Variants in ARHGEF17 observed in about 807,000 individuals in gnomAD.
ARHGEF17 encodes the protein 164 kDa Rho-specific guanine-nucleotide exchange factor.
ARHGEF17 carries 80 observed loss-of-function variants against 174.0 expected under a neutral mutation model. That is an observed-to-expected ratio of 0.46 (90% CI 0.38 to 0.55). The LOEUF (loss-of-function observed/expected upper bound fraction) is 0.55. Ranked by LOEUF, ARHGEF17 falls within the 20% of genes least tolerant of loss-of-function variation. The probability of loss-of-function intolerance (pLI) is 0.00; values close to 1 mark genes in which losing one functional copy is unlikely to be tolerated. For synonymous variants in ARHGEF17, 1,311 were observed against 1,189.1 expected (o/e 1.10, Z -2.11); for missense variants, 2,886 against 2,839.7 (o/e 1.02, Z -0.37).
intron 1 of ARHGEF17, among the ~76,000 whole-genome samples, chr11:73,340,677 G>T (rs1025776970): frequency 2.0e-5 from 3 of 152,184 alleles, no homozygotes; most frequent in Admixed American, 2.0e-4. Flanking sequence ...GGGACGAGGT[G>T]CCCTGAGAGA....
At chr11:73,334,050 G>A (rs973394874) in intron 1 of ARHGEF17, among the ~76,000 whole-genome samples, 1 of 152,214 alleles carries the variant, frequency 6.6e-6, no homozygotes, top group Non-Finnish European at 1.5e-5. Context: ...TGTAGGCATG[G>A]AAGCTGCTGG....
At position 73,310,432 on chromosome 11, in the gene ARHGEF17, T is replaced by G; in HGVS notation, c.1794T>G (p.Val598=). ...AATATGTGCAGGAGGCCCGCCAGGT[T>G]TTTGAGAAGATCCAGCGCATGGGTG... ...QDQYVQEARQ[V]FEKIQRMGAQ... is the part of the protein sequence containing the mutation. Residue 598 remains valine (V), a synonymous_variant, in exon 1 of 21, where the codon GTT becomes GTG. Transcript: ENST00000263674. The G allele has an allele frequency of 6.2e-7, 1 of 1,613,952 alleles. No homozygotes were observed. Among genetic ancestry groups the G allele is most frequent in the Non-Finnish European group, 8.5e-7 (1 of 1,180,008 alleles).
At position 73,308,625 on chromosome 11, in the gene ARHGEF17, T is replaced by C; in HGVS notation, c.-14T>C. On this transcript the variant is annotated 5_prime_UTR_variant, in exon 1 of 21. Coordinates refer to ENST00000263674, the MANE Select transcript of ARHGEF17 (RefSeq NM_014786.4). ...CTGCCCGAGGCCAGCCCCCCCGGAG[T>C]GAGTTACGCCACTATGGCGGACGGG... The C allele has an allele frequency of 1.4e-6, 2 of 1,451,326 alleles. No individual in the cohort carries two copies. Among genetic ancestry groups the C allele is most frequent in the Non-Finnish European group, 9.1e-7 (1 of 1,104,510 alleles). The allele number at this position is 1,451,326 out of a possible 1,614,324, so 89.9% of individuals were successfully genotyped here. A position where few individuals can be genotyped will look rare whatever the true frequency, so the allele number is the denominator to read the frequency against.
In ARHGEF17 at chr11:73,328,451, T is replaced by A. The variant is rs1865139007; in HGVS notation, c.3192+16621T>A. On this transcript the variant is annotated intron_variant, in intron 1 of 20. Transcript: ENST00000263674. Reference sequence around the variant, plus strand: ...GTTGCCAGAGTCACCCAGTGACTTCTGACCCCAGGACCTTCCTCCAGGCTG... The same window carrying A: ...GTTGCCAGAGTCACCCAGTGACTTCAGACCCCAGGACCTTCCTCCAGGCTG... 3.9e-5 allele frequency among the ~76,000 whole-genome samples: 6 copies of A among 152,174 alleles called. No individual in the cohort carries two copies. In the South Asian group the frequency reaches 8.3e-4, roughly 21 times the overall value.
rs760655883 is a variant in ARHGEF17, at chr11:73,309,638, A to G, written c.1000A>G (p.Arg334Gly). 27 of 1,612,966 alleles carry G rather than the reference A, an allele frequency of 1.7e-5. No individual in the cohort carries two copies. Among genetic ancestry groups the G allele is most frequent in the Non-Finnish European group, 1.9e-5 (23 of 1,180,038 alleles). ...GAGCCCTGAGCCCCCAACATCTCCA[A>G]GAGCCCCTAGAGAAGAAGGACTCCG... Reference protein sequence around the residue: ...SGSPEPPTSPRAPREEGLREW... With the variant: ...SGSPEPPTSPGAPREEGLREW... Residue 334 changes from arginine to glycine, a missense_variant, in exon 1 of 21, where the codon AGA becomes GGA. By Grantham distance (125) the Arg-to-Gly change is moderately radical. Around this residue, in one of 4 missense-constraint regions of ARHGEF17, gnomAD observed 1,728 missense variants for 1,461.2 expected, o/e 1.18. Coordinates refer to ENST00000263674, the MANE Select transcript of ARHGEF17 (RefSeq NM_014786.4).
intron 1 of ARHGEF17, among the ~76,000 whole-genome samples, chr11:73,325,884 C>G (rs925689374): frequency 2.0e-5 from 3 of 152,234 alleles, no homozygotes; most frequent in Non-Finnish European, 2.9e-5. Flanking sequence ...AGACCTTGCT[C>G]CCATGGGACA....
chr11:73,331,527 CCT>C (rs1486426807), intron 1 of ARHGEF17, among the ~76,000 whole-genome samples: 3 of 152,302 alleles, frequency 2.0e-5, no homozygotes, highest in Admixed American at 6.5e-5. Context: ...TCACAGGGCC[CCT>C]CCTCTGGGGT....
At chr11:73,359,812 C>T (rs762875051) in intron 9 of ARHGEF17, 22 bp from the exon 10 acceptor site, 10 of 1,563,340 alleles carry the variant, frequency 6.4e-6, no homozygotes, top group East Asian at 4.5e-5. Flanking sequence ...TATCAGTCCA[C>T]GGCCTTCCTC....
intron 1 of ARHGEF17, among the ~76,000 whole-genome samples, chr11:73,328,721 C>T (rs1279873216): frequency 1.3e-5 from 2 of 152,236 alleles, no homozygotes; most frequent in Non-Finnish European, 2.9e-5. Flanking sequence ...GCAGTGCCCC[C>T]TGTTCTCTGG....
intron 1 of ARHGEF17, among the ~76,000 whole-genome samples, chr11:73,322,367 T>G (rs1278386189): frequency 6.6e-6 from 1 of 152,216 alleles, no homozygotes; most frequent in African/African-American, 2.4e-5. Flanking sequence ...GAAAGACTCT[T>G]AGAAACCAGC....
intron 9 of ARHGEF17, among the ~76,000 whole-genome samples, chr11:73,358,058 CT>C (rs34916211): frequency 0.029 from 4,479 of 152,294 alleles, 85 homozygotes; most frequent in Non-Finnish European, 0.045. Flanking sequence ...GAATGACCAC[CT>C]TTAAGTTAGG....
chr11:73,348,910 GA>G (rs1865507502), intron 2 of ARHGEF17, among the ~76,000 whole-genome samples: 1 of 152,168 alleles, frequency 6.6e-6, no homozygotes, highest in African/African-American at 2.4e-5. Flanking sequence ...GCTGAGACCT[GA>G]AGGGTGAGTA....
intron 2 of ARHGEF17, 143 bp downstream of exon 2, chr11:73,347,103 AC>A: frequency 1.2e-6 from 1 of 836,280 alleles, no homozygotes. Context: ...TCCATGAAGA[AC>A]CCCCAGCATG....
At chr11:73,317,346 G>T (rs1374595581) in intron 1 of ARHGEF17, among the ~76,000 whole-genome samples, 2 of 152,174 alleles carry the variant, frequency 1.3e-5, no homozygotes, top group East Asian at 1.9e-4. Context: ...CTCCAGCTAC[G>T]TGGGCATTGC....
intron 9 of ARHGEF17, among the ~76,000 whole-genome samples, chr11:73,359,525 C>T (rs1403466105): frequency 4.6e-5 from 7 of 152,262 alleles, no homozygotes; most frequent in Admixed American, 2.6e-4. Context: ...AGTTCCGTGT[C>T]AGCCAGGGCC....
chr11:73,323,975 C>T (rs559983679), intron 1 of ARHGEF17, among the ~76,000 whole-genome samples: 2 of 152,336 alleles, frequency 1.3e-5, no homozygotes, highest in East Asian at 3.9e-4. Context: ...CCCTGTTCTC[C>T]TCCCTGGGTC....
chr11:73,344,847 G>T (rs564471173), intron 1 of ARHGEF17, among the ~76,000 whole-genome samples: 1 of 152,332 alleles, frequency 6.6e-6, no homozygotes, highest in African/African-American at 2.4e-5. Context: ...AGAACTCCAG[G>T]GGCTGGGGCC....
chr11:73,350,629 T>A (rs572361208), intron 2 of ARHGEF17, among the ~76,000 whole-genome samples: 2 of 152,278 alleles, frequency 1.3e-5, no homozygotes, highest in Non-Finnish European at 2.9e-5. Flanking sequence ...TAAATAGAAG[T>A]TAGGAGCCAG....
Position 73,367,973 on chromosome 11 carries a change from G to A in ARHGEF17, c.*193G>A, listed in dbSNP as rs1591768318. 6.7e-6 allele frequency: 4 copies of A among 594,998 alleles called. No homozygotes were observed. The highest frequency in any genetic ancestry group is 2.9e-5 in the East Asian group (1 of 34,418). 36.9% of individuals were successfully genotyped at this position (594,998 alleles called of 1,614,324 possible). On this transcript the variant is annotated 3_prime_UTR_variant, in exon 21 of 21. Coordinates refer to ENST00000263674, the MANE Select transcript of ARHGEF17 (RefSeq NM_014786.4). ...GGCCAGCCAGGCCATGGCTTCTCCCGACCCTCTGGCTGCCCCGGTGCTTCC... is the reference window on the plus strand; with the variant it reads ...GGCCAGCCAGGCCATGGCTTCTCCCAACCCTCTGGCTGCCCCGGTGCTTCC...
Sources: gnomAD v4.1 joint callset for allele counts (sites outside exome capture counted in the v4.1 genomes callset) on GRCh38, gnomAD v4.1.1 for gene constraint, gnomAD v4.1.1 regional missense constraint, MANE v1.5 for transcripts, NCBI Gene and HGNC (gene_info 2026-07-23, HGNC 2026-07-21) for gene names.